ZNF846: variants seen among roughly 807,000 people sequenced by gnomAD.
ZNF846 encodes the protein zinc finger protein 846, also known as zinc finger protein 420 pseudogene.
A neutral mutation model predicts 16.0 loss-of-function variants in ZNF846; 15 were observed. That is an observed-to-expected ratio of 0.94 (90% CI 0.63 to 1.45). The LOEUF is 1.45. Among genes scored for constraint, ZNF846 ranks in the 40% most tolerant of loss-of-function variants. ZNF846 has a pLI of 0.00. For synonymous variants in ZNF846, 229 were observed against 212.0 expected, an observed-to-expected ratio of 1.08 and a Z score of -0.70; for missense variants, 714 against 622.3, an observed-to-expected ratio of 1.15 and a Z score of -1.57.
downstream of ZNF846, among the ~76,000 whole-genome samples, chr19:9,751,081 T>C (rs2145150104): frequency 6.6e-6 from 1 of 152,284 alleles, no homozygotes; most frequent in Non-Finnish European, 1.5e-5. Flanking sequence ...CTTCCAATCG[T>C]TAGTTCTCTA....
exon 4 of ZNF846, chr19:9,762,111 A>G (rs752881726): frequency 6.2e-7 from 1 of 1,614,052 alleles, no homozygotes; most frequent in Non-Finnish European, 8.5e-7. Flanking sequence ...TCCTGTCCTC[A>G]GCTCTTCCAT....
intron 1 of ZNF846, among the ~76,000 whole-genome samples, chr19:9,783,587 A>G (rs1421839493): frequency 1.4e-5 from 2 of 145,364 alleles, no homozygotes; most frequent in East Asian, 3.9e-4. Flanking sequence ...TTTATTTTGT[A>G]TAAATAATAA....
intron 1 of ZNF846, among the ~76,000 whole-genome samples, chr19:9,780,634 AG>A (rs1160719333): frequency 1.3e-5 from 2 of 151,852 alleles, no homozygotes; most frequent in Non-Finnish European, 2.9e-5. Context: ...ATTTTAGTAG[AG>A]GTAGGGTTTC....
intron 2 of ZNF846, 103 bp downstream of exon 2, chr19:9,764,833 G>A: frequency 1.5e-6 from 2 of 1,362,884 alleles, no homozygotes; most frequent in African/African-American, 1.4e-5. Flanking sequence ...TCCTGAGCAG[G>A]ACCATCATTT....
chr19:9,782,925 C>CA, intron 1 of ZNF846, among the ~76,000 whole-genome samples: 1 of 147,382 alleles, frequency 6.8e-6, no homozygotes, highest in Admixed American at 6.8e-5. Flanking sequence ...CTCCCTGTAA[C>CA]TTTTTTTTTT....
chr19:9,768,205 A>C (rs1287973066), intron 1 of ZNF846, 84 bp downstream of exon 1: 1 of 152,166 alleles, frequency 6.6e-6, no homozygotes, highest in Non-Finnish European at 1.5e-5. Context: ...CACTTGACAA[A>C]GCATTTAACT....
In ZNF846 at chr19:9,761,201, TCAAA is replaced by T. The variant is rs112582546; in HGVS notation, c.229+877_229+880del. Among the ~76,000 whole-genome samples the T allele has an allele frequency of 6.6e-5, 10 of 151,012 alleles. No individual in the cohort carries two copies. The South Asian group carries it at 8.3e-4, about 13-fold the overall frequency. On this transcript the variant is annotated intron_variant, in intron 4 of 5. Coordinates refer to ENST00000397902, the Ensembl canonical transcript of ZNF846. ...CTGGGCAACAGAGAGAGACTCTGTC[TCAAA>T]CAAACAAACAAACAAAGAAATGCCT...
chr19:9,759,126 T>C (rs2045181923), intron 5 of ZNF846, among the ~76,000 whole-genome samples: 1 of 151,794 alleles, frequency 6.6e-6, no homozygotes, highest in Non-Finnish European at 1.5e-5. Flanking sequence ...GCCTCCCAAG[T>C]AGCTAGGATT....
At chr19:9,781,714 C>T (rs1209794367) in intron 1 of ZNF846, among the ~76,000 whole-genome samples, 1 of 151,880 alleles carries the variant, frequency 6.6e-6, no homozygotes, top group East Asian at 1.9e-4. Context: ...AAAACAAAAC[C>T]CTTTATTTTT....
At chr19:9,754,541 G>C (rs1257862068), downstream of ZNF846, among the ~76,000 whole-genome samples, 1 of 133,168 alleles carries the variant, frequency 7.5e-6, no homozygotes, top group Non-Finnish European at 1.5e-5. Context: ...CTCCAGCCTG[G>C]GCGACAGAGC....
At chr19:9,782,906 TA>T (rs1438422110) in intron 1 of ZNF846, among the ~76,000 whole-genome samples, 1 of 149,612 alleles carries the variant, frequency 6.7e-6, no homozygotes, top group Non-Finnish European at 1.5e-5. Context: ...ACTCCATACA[TA>T]ACACTATCTC....
At chr19:9,773,430 G>C (rs2045406283), upstream of ZNF846, among the ~76,000 whole-genome samples, 1 of 152,172 alleles carries the variant, frequency 6.6e-6, no homozygotes, top group Non-Finnish European at 1.5e-5. Flanking sequence ...GTGTGTCTGT[G>C]TGTGTGTGTA....
chr19:9,758,037 A>C, exon 6 of ZNF846: 1 of 1,613,528 alleles, frequency 6.2e-7, no homozygotes, highest in East Asian at 2.2e-5. Flanking sequence ...GGAATGAATA[A>C]AAGCTTTTCC....
chr19:9,777,055 C>T (rs2145306329), intron 1 of ZNF846, among the ~76,000 whole-genome samples: 1 of 151,072 alleles, frequency 6.6e-6, no homozygotes, highest in Middle Eastern at 3.4e-3. Flanking sequence ...CCCTAAAGGA[C>T]TAAAAAATCT....
At chr19:9,755,108 C>T (rs2045120724), downstream of ZNF846, among the ~76,000 whole-genome samples, 1 of 151,506 alleles carries the variant, frequency 6.6e-6, no homozygotes, top group Non-Finnish European at 1.5e-5. Context: ...TTGTGATCCA[C>T]ACACCTCAGC....
chr19:9,755,294 C>CCACA (rs1568319148), downstream of ZNF846, among the ~76,000 whole-genome samples: 1 of 151,546 alleles, frequency 6.6e-6, no homozygotes, highest in African/African-American at 2.4e-5. Context: ...AACTTTTCAA[C>CCACA]CACAGAAAAT....
chr19:9,757,258 C>G (rs546948882), downstream of ZNF846, among the ~76,000 whole-genome samples: 3 of 151,338 alleles, frequency 2.0e-5, no homozygotes, highest in South Asian at 6.3e-4. Context: ...TGCCTTAGAA[C>G]CAGATTTTTC....
intron 1 of ZNF846, among the ~76,000 whole-genome samples, chr19:9,785,031 C>G (rs1245138184): frequency 6.6e-6 from 1 of 152,030 alleles, no homozygotes; most frequent in Non-Finnish European, 1.5e-5. Context: ...TCTCTTTTCC[C>G]CACAAGTAAC....
chr19:9,763,892 T>C (rs957999518), intron 2 of ZNF846, among the ~76,000 whole-genome samples: 2 of 152,312 alleles, frequency 1.3e-5, no homozygotes, highest in East Asian at 1.9e-4. Context: ...ACTGAAACTA[T>C]TGCTACAGAA....
Sources: gnomAD v4.1 joint callset for allele counts (sites outside exome capture counted in the v4.1 genomes callset) on GRCh38, gnomAD v4.1.1 for gene constraint, MANE v1.5 for transcripts, NCBI Gene and HGNC (gene_info 2026-07-23, HGNC 2026-07-21) for gene names.